The following MYO18B variants were observed in gnomAD, a reference collection of about 807,000 sequenced individuals.
MYO18B encodes myosin XVIIIB.
MYO18B carries 204 observed loss-of-function variants against 273.0 expected under a neutral mutation model. The observed-to-expected ratio is 0.75, with a 90% CI of 0.67 to 0.84. The LOEUF is 0.84. Among genes scored for constraint, MYO18B ranks in the 40% least tolerant of loss-of-function variants. The pLI is 0.00. For synonymous variants in MYO18B, 1,330 were observed against 1,305.7 expected (o/e 1.02, Z -0.40); for missense variants, 3,212 against 3,287.6 (o/e 0.98, Z 0.56).
chr22:25,752,642 C>G (rs2146543671), intron 1 of MYO18B, among the ~76,000 whole-genome samples: 1 of 149,214 alleles, frequency 6.7e-6, no homozygotes, highest in African/African-American at 2.5e-5. Flanking sequence ...ATGCAGCTGC[C>G]ACTACACCTG....
At chr22:25,976,963 C>T (rs1190021140) in intron 39 of MYO18B, among the ~76,000 whole-genome samples, 1 of 152,166 alleles carries the variant, frequency 6.6e-6, no homozygotes, top group East Asian at 1.9e-4. Context: ...AGATAATTAT[C>T]TCCTATGCAT....
intron 1 of MYO18B, among the ~76,000 whole-genome samples, chr22:25,747,166 A>G (rs184435100): frequency 6.6e-6 from 1 of 152,306 alleles, no homozygotes; most frequent in East Asian, 1.9e-4. Context: ...TAGCCCTTTG[A>G]TGGAGCACTC....
chr22:25,753,127 G>A (rs2085989797), intron 1 of MYO18B, among the ~76,000 whole-genome samples: 1 of 152,160 alleles, frequency 6.6e-6, no homozygotes, highest in Non-Finnish European at 1.5e-5. Context: ...CCACGGCACC[G>A]CGTCCCATGG....
intron 42 of MYO18B, among the ~76,000 whole-genome samples, chr22:26,006,196 A>T (rs1250641791): frequency 6.6e-6 from 1 of 152,204 alleles, no homozygotes; most frequent in Non-Finnish European, 1.5e-5. Flanking sequence ...GATAATAAGG[A>T]TCCTAACAGA....
intron 34 of MYO18B, among the ~76,000 whole-genome samples, chr22:25,937,381 G>A (rs143398732): frequency 1.2e-4 from 18 of 152,224 alleles, no homozygotes; most frequent in African/African-American, 4.1e-4. Context: ...ACCATGCCCA[G>A]CAGGGAAGTG....
At chr22:25,904,291 A>G (rs1029368159) in intron 31 of MYO18B, among the ~76,000 whole-genome samples, 1 of 152,222 alleles carries the variant, frequency 6.6e-6, no homozygotes, top group African/African-American at 2.4e-5. Flanking sequence ...GATGCTCAAT[A>G]AATAGCTGTT....
intron 39 of MYO18B, among the ~76,000 whole-genome samples, chr22:25,962,466 A>G (rs1229763109): frequency 6.6e-6 from 1 of 152,192 alleles, no homozygotes; most frequent in Non-Finnish European, 1.5e-5. Context: ...CTCTTAACAG[A>G]ATGGCTCAAA....
chr22:25,780,080 C>T lies in MYO18B; in HGVS notation c.2093C>T (p.Thr698Ile), dbSNP rs1445339580. 9 of 1,596,362 alleles carry T rather than the reference C, an allele frequency of 5.6e-6. No homozygotes were observed. In the Admixed American group the frequency reaches 1.5e-4, roughly 27 times the overall value. ...GTGGAGAAGATCCGAGCCACCTTCA[C>T]TGTCCTCCGGGCCTTCGGCTCTGTG... ...VSVEKIRATF[T>I]VLRAFGSVSM... The change falls in exon 9 of 44, where the codon ACT (threonine) becomes ATT (isoleucine). Residue 698 changes from threonine to isoleucine, a missense_variant. By Grantham distance (89) the Thr-to-Ile change is moderately conservative. Transcript: ENST00000335473.
In MYO18B at chr22:25,823,759, T is replaced by C. The variant is rs919580832; in HGVS notation, c.2695+81T>C. 17 of 1,465,680 alleles carry C rather than the reference T, an allele frequency of 1.2e-5. No individual in the cohort carries two copies. The Admixed American group carries it at 1.4e-4, about 12-fold the overall frequency. 90.8% of individuals were successfully genotyped at this position (1,465,680 alleles called of 1,614,324 possible). A position where few individuals can be genotyped will look rare whatever the true frequency, so the allele number is the denominator to read the frequency against. On this transcript the variant is annotated intron_variant, in intron 13 of 43. Transcript: ENST00000335473. ...GGGATACACCAGCATTCTTTAACTT[T>C]TTTATCAAAGATTTGTTAAGGGCCT...
At position 25,823,634 on chromosome 22, in the gene MYO18B, T is replaced by G. The variant is rs1226022346; in HGVS notation, c.2651T>G (p.Phe884Cys). 1 of 1,613,932 alleles carries G rather than the reference T, an allele frequency of 6.2e-7. No homozygotes were observed. Among genetic ancestry groups the G allele is most frequent in the Non-Finnish European group, 8.5e-7 (1 of 1,179,866 alleles). The part of the protein sequence containing the change: ...HLRQIIQQMT[F>C]GPSRWGLEDE... ...CGACAGATCATCCAGCAAATGACGT[T>G]TGGGCCAAGCCGATGGGGCCTCGAG... The change falls in exon 13 of 44, where the codon TTT becomes TGT. Residue 884 changes from phenylalanine (F) to cysteine (C), a missense_variant. Physicochemically the swap from Phe to Cys is radical, Grantham distance 205 (BLOSUM62 -2). Coordinates refer to ENST00000335473, the MANE Select transcript of MYO18B (RefSeq NM_032608.7).
At chr22:25,820,766 G>A (rs947675654) in intron 12 of MYO18B, among the ~76,000 whole-genome samples, 2 of 151,984 alleles carry the variant, frequency 1.3e-5, no homozygotes, top group African/African-American at 4.8e-5. Flanking sequence ...ACACTAGAAC[G>A]TATTTCTCCT....
intron 12 of MYO18B, among the ~76,000 whole-genome samples, chr22:25,805,487 T>C (rs2088429285): frequency 6.6e-6 from 1 of 152,178 alleles, no homozygotes; most frequent in Non-Finnish European, 1.5e-5. Context: ...ATCCTCGTCT[T>C]ATGATCACGT....
chr22:25,769,349 C>T lies in MYO18B; in HGVS notation c.1433C>T (p.Pro478Leu). Residue 478 changes from proline to leucine, a missense_variant, in exon 4 of 44, where the codon CCT (proline) becomes CTT (leucine). Physicochemically the swap from Pro to Leu is moderately conservative, Grantham distance 98 (BLOSUM62 -3). Transcript: ENST00000335473. ...QPALEKDAERPRIRKENQDGP... is the reference protein window; with the variant it reads ...QPALEKDAERLRIRKENQDGP... ...GCTCTGGAGAAGGATGCAGAAAGGC[C>T]TCGGATACGGAAGGAGAACCAAGAC... 1.9e-6 allele frequency: 3 copies of T among 1,577,074 alleles called. No homozygotes were observed. The highest frequency in any genetic ancestry group is 2.6e-6 in the Non-Finnish European group (3 of 1,161,964).
intron 40 of MYO18B, among the ~76,000 whole-genome samples, chr22:25,998,515 A>G (rs1323137937): frequency 6.6e-6 from 1 of 152,196 alleles, no homozygotes; most frequent in African/African-American, 2.4e-5. Flanking sequence ...TGTAAGTTGG[A>G]CATTTTCCAA....
At chr22:25,821,880 A>C (rs2089294989) in intron 12 of MYO18B, among the ~76,000 whole-genome samples, 1 of 152,246 alleles carries the variant, frequency 6.6e-6, no homozygotes. Flanking sequence ...TGGAAAATAA[A>C]AAATCCCTTT....
At chr22:25,892,353 A>G (rs1181680188) in intron 27 of MYO18B, 1 of 152,240 alleles carries the variant, frequency 6.6e-6, no homozygotes, top group Non-Finnish European at 1.5e-5. Flanking sequence ...AAATGGCGAG[A>G]AGGCGAGAGG....
intron 23 of MYO18B, among the ~76,000 whole-genome samples, chr22:25,875,073 T>C (rs909841335): frequency 6.6e-6 from 1 of 152,250 alleles, no homozygotes; most frequent in Admixed American, 6.5e-5. Flanking sequence ...TTATGTGAAC[T>C]TGTAAACTCA....
the MYO18B span, among the ~76,000 whole-genome samples, chr22:26,048,807 C>G: frequency 6.6e-6 from 1 of 152,152 alleles, no homozygotes. Flanking sequence ...GGTAAACACC[C>G]AGTGATGAGA....
At chr22:26,038,076 C>T in the MYO18B span, among the ~76,000 whole-genome samples, 1 of 152,208 alleles carries the variant, frequency 6.6e-6, no homozygotes, top group Non-Finnish European at 1.5e-5. Context: ...CATCTATTGC[C>T]TAAAGTCACA....
Sources: gnomAD v4.1 joint callset for allele counts (sites outside exome capture counted in the v4.1 genomes callset) on GRCh38, gnomAD v4.1.1 for gene constraint, MANE v1.5 for transcripts, NCBI Gene and HGNC (gene_info 2026-07-23, HGNC 2026-07-21) for gene names.